LHX3: variants seen among roughly 807,000 people sequenced by gnomAD.
The protein encoded by LHX3 is LIM/homeobox protein Lhx3.
Under a neutral mutation model 32.4 loss-of-function variants are expected in LHX3, and 21 were observed. The ratio of observed to expected loss-of-function variants is 0.65; its 90% CI spans 0.46 to 0.93. The LOEUF is 0.93. Among genes scored for constraint, LHX3 ranks in the 40% least tolerant of loss-of-function variants. The pLI, the probability that LHX3 is intolerant of heterozygous loss-of-function variation, is 0.00. For synonymous variants in LHX3, 258 were observed against 246.8 expected (o/e 1.05, Z -0.43); for missense variants, 626 against 560.0 (o/e 1.12, Z -1.19).
Position 136,205,040 on chromosome 9 carries a change from A to G in LHX3, c.-28T>C. 1 of 1,553,412 alleles carries G rather than the reference A, an allele frequency of 6.4e-7. No homozygotes were observed. Among genetic ancestry groups the G allele is most frequent in the East Asian group, 2.4e-5 (1 of 42,534 alleles). ...CGGCCACCAGGCCGAGTGGCGCGAG[A>G]CGCGCTCCTCCTAGGTCAGCGTCCC... On this transcript the variant is annotated 5_prime_UTR_variant, in exon 1 of 6. Transcript: ENST00000371748.
At chr9:136,197,860 A>C in intron 5 of LHX3, 117 bp from the exon 6 acceptor site, 3 of 1,038,122 alleles carry the variant, frequency 2.9e-6, no homozygotes, top group Non-Finnish European at 4.3e-6. Flanking sequence ...CCCACACCAC[A>C]TGACAGGTCA....
chr9:136,199,703 C>T lies in LHX3; in HGVS notation c.429G>A (p.Ala143=), dbSNP rs751150702. The T allele has an allele frequency of 8.7e-6, 14 of 1,612,828 alleles. No homozygotes were observed. In the South Asian group the frequency reaches 1.2e-4, roughly 14 times the overall value. ...CTCGCTGCTTGGCGGTTTCGTAGTC[C>T]GCCTTGCACACGAGCCGGCTGTCCT... is the stretch of plus-strand genomic sequence containing the variant. ...LMEDSRLVCK[A]DYETAKQREA... The change falls in exon 3 of 6, where the codon GCG becomes GCA. Residue 143 remains alanine, a synonymous_variant. Coordinates refer to ENST00000371748, the MANE Select transcript of LHX3 (RefSeq NM_178138.6).
Position 136,197,190 on chromosome 9 carries a change from G to C in LHX3, c.*135C>G. The stretch of plus-strand genomic sequence containing the variant: ...CCCCCAGAGAGGGAGCTGTGCGGTC[G>C]GCAGTGGGAGGCTCCGAAGGCACCA... On this transcript the variant is annotated 3_prime_UTR_variant, in exon 6 of 6. Coordinates refer to ENST00000371748, the MANE Select transcript of LHX3 (RefSeq NM_178138.6). 2.2e-6 allele frequency: 2 copies of C among 903,810 alleles called. No individual in the cohort carries two copies. Among genetic ancestry groups the C allele is most frequent in the South Asian group, 3.1e-5 (2 of 65,410 alleles). The allele number at this position is 903,810 out of a possible 1,614,324, so 56.0% of individuals were successfully genotyped here.
chr9:136,204,478 G>C (rs916108880), intron 1 of LHX3, among the ~76,000 whole-genome samples: 3 of 152,204 alleles, frequency 2.0e-5, no homozygotes, highest in Admixed American at 1.3e-4. Context: ...CTGGCATCTG[G>C]CCAGCCCTCC....
intron 1 of LHX3, chr9:136,203,181 G>C: frequency 1.6e-6 from 2 of 1,223,250 alleles, no homozygotes; most frequent in Non-Finnish European, 2.0e-6. Flanking sequence ...CCTGGGGCCC[G>C]GAGCCTCTGG....
At chr9:136,203,298 G>A (rs1364147923) in intron 1 of LHX3, 1 of 296,114 alleles carries the variant, frequency 3.4e-6, no homozygotes, top group Non-Finnish European at 5.0e-6. Context: ...CCTTTGCGCC[G>A]GGACCTGCGG....
chr9:136,200,658 T>C lies in LHX3; in HGVS notation c.175A>G (p.Ser59Gly). The C allele has an allele frequency of 6.2e-7, 1 of 1,613,622 alleles. No individual in the cohort carries two copies. Among genetic ancestry groups the C allele is most frequent in the Non-Finnish European group, 8.5e-7 (1 of 1,180,028 alleles). The change falls in exon 2 of 6, where the codon AGC (serine) becomes GGC (glycine). Residue 59 changes from serine (S) to glycine (G), a missense_variant. By Grantham distance (56) the Ser-to-Gly change is moderately conservative (BLOSUM62 0). Transcript: ENST00000371748. ...TCGGCCAGTGGCGTGTGGCAGTCGC[T>C]GCACTTGAGACACTTGCTGTGCCAG... Reference protein sequence around the residue: ...RHWHSKCLKCSDCHTPLAERC... With the variant: ...RHWHSKCLKCGDCHTPLAERC...
Position 136,197,350 on chromosome 9 carries a change from T to A in LHX3, c.1169A>T (p.Asp390Val). ...TCAGAACTGAGCGTGGTCTACCTCA[T>A]CCAGCCAGGAGGCGGGGCTGGCAGG... ...DFPASPASWL[D>V]EVDHAQF Residue 390 changes from aspartate to valine, a missense_variant, in exon 6 of 6, where the codon GAT (aspartate) becomes GTT (valine). Asp to Val is a radical substitution (Grantham distance 152). Coordinates refer to ENST00000371748, the MANE Select transcript of LHX3 (RefSeq NM_178138.6). 1 of 1,612,088 alleles carries A rather than the reference T, an allele frequency of 6.2e-7. No homozygotes were observed. The highest frequency in any genetic ancestry group is 1.1e-5 in the South Asian group (1 of 91,050).
At chr9:136,199,512 G>C (rs1231906900) in intron 3 of LHX3, among the ~76,000 whole-genome samples, 166 bp downstream of exon 3, 1 of 152,282 alleles carries the variant, frequency 6.6e-6, no homozygotes, top group African/African-American at 2.4e-5. Flanking sequence ...GTCTGTCCGT[G>C]ACTCCGCCGT....
Position 136,196,617 on chromosome 9 carries a change from G to A in LHX3, c.*708C>T, listed in dbSNP as rs1203675070. ...CACCAAGGGCCTGGGGTGGGGTGAG[G>A]AGGAGACCCTGAGGGGCTTAGAGAA... On this transcript the variant is annotated 3_prime_UTR_variant, in exon 6 of 6. Transcript: ENST00000371748. The A allele has an allele frequency of 6.5e-6, 1 of 152,850 alleles. No homozygotes were observed. The highest frequency in any genetic ancestry group is 1.5e-5 in the Non-Finnish European group (1 of 68,132). The allele number at this position is 152,850 out of a possible 1,614,324, so 9.5% of individuals were successfully genotyped here.
chr9:136,197,638 G>T lies in LHX3; in HGVS notation c.881C>A (p.Ser294Tyr). The T allele has an allele frequency of 6.3e-7, 1 of 1,588,926 alleles. No individual in the cohort carries two copies. Among genetic ancestry groups the T allele is most frequent in the Non-Finnish European group, 8.6e-7 (1 of 1,169,430 alleles). The change falls in exon 6 of 6, where the codon TCC becomes TAC. Residue 294 changes from serine (S) to tyrosine (Y), a missense_variant. By Grantham distance (144) the Ser-to-Tyr change is moderately radical (BLOSUM62 -2). Transcript: ENST00000371748. ...GRPSGALGNF[S>Y]LEHGGLAGPE... ...GCCTGCCAGGCCTCCATGCTCCAGGGAGAAGTTGCCCAGGGCTCCCGAGGG... is the reference window on the plus strand; with the variant it reads ...GCCTGCCAGGCCTCCATGCTCCAGGTAGAAGTTGCCCAGGGCTCCCGAGGG...
rs1831555248 is a variant in LHX3, at chr9:136,198,699, T to C, written c.728A>G (p.Asp243Gly). 2 of 1,610,956 alleles carry C rather than the reference T, an allele frequency of 1.2e-6. No individual in the cohort carries two copies. Among genetic ancestry groups the C allele is most frequent in the African/African-American group, 1.3e-5 (1 of 74,864 alleles). Residue 243 changes from aspartate to glycine, a missense_variant, in exon 5 of 6, where the codon GAC (aspartate) becomes GGC (glycine). By Grantham distance (94) the Asp-to-Gly change is moderately conservative (BLOSUM62 -1). Coordinates refer to ENST00000371748, the MANE Select transcript of LHX3 (RefSeq NM_178138.6). ...RSRGGSKSDK[D>G]SVQEGQDSDA... is the part of the protein sequence containing the mutation. Reference sequence around the variant, plus strand: ...GCTGTCCTGCCCCTCCTGAACGCTGTCCTTGTCCGACTTGGAGCCGCCGCG... The same window carrying C: ...GCTGTCCTGCCCCTCCTGAACGCTGCCCTTGTCCGACTTGGAGCCGCCGCG...
At chr9:136,204,656 C>G (rs1564286289) in intron 1 of LHX3, among the ~76,000 whole-genome samples, 1 of 152,186 alleles carries the variant, frequency 6.6e-6, no homozygotes, top group Non-Finnish European at 1.5e-5. Flanking sequence ...ACCTAGCACC[C>G]CTTGGTCGGC....
chr9:136,198,033 G>T (rs955973961), intron 5 of LHX3, among the ~76,000 whole-genome samples: 1 of 152,172 alleles, frequency 6.6e-6, no homozygotes, highest in Non-Finnish European at 1.5e-5. Context: ...TAGGAAGGGG[G>T]CACAGATACC....
chr9:136,199,102 C>T (rs752358733), intron 3 of LHX3, 43 bp from the exon 4 acceptor site: 4 of 1,232,094 alleles, frequency 3.2e-6, no homozygotes, highest in Middle Eastern at 2.9e-4. Context: ...CCCCTCCGGC[C>T]CCGGCCGGAC....
intron 1 of LHX3, chr9:136,203,117 G>C: frequency 2.1e-6 from 3 of 1,411,748 alleles, no homozygotes; most frequent in Non-Finnish European, 1.8e-6. Context: ...CAATAGCCCC[G>C]AACCGGCGTC....
intron 4 of LHX3, 22 bp from the exon 5 acceptor site, chr9:136,198,842 C>T: frequency 6.3e-7 from 1 of 1,598,134 alleles, no homozygotes; most frequent in Admixed American, 1.7e-5. Flanking sequence ...GCGGGGTGAG[C>T]GGCCGCCCGG....
intron 1 of LHX3, among the ~76,000 whole-genome samples, chr9:136,203,623 A>G (rs1181719852): frequency 6.6e-6 from 1 of 152,200 alleles, no homozygotes; most frequent in Non-Finnish European, 1.5e-5. Context: ...AAGGTGCCGG[A>G]CCGATCCCAG....
intron 1 of LHX3, chr9:136,203,112 G>A (rs1324469239): frequency 6.5e-6 from 9 of 1,390,704 alleles, no homozygotes; most frequent in Non-Finnish European, 8.4e-6. Context: ...CCCCGCAATA[G>A]CCCCGAACCG....
Sources: allele counts gnomAD v4.1 joint callset (sites outside exome capture counted in the v4.1 genomes callset), GRCh38; gene constraint gnomAD v4.1.1; transcripts MANE v1.5; gene names NCBI Gene and HGNC (gene_info 2026-07-23, HGNC 2026-07-21).